The following TAX1BP1 variants were observed in gnomAD, a reference collection of about 807,000 sequenced individuals.
TAX1BP1 encodes the protein Tax1 binding protein 1.
TAX1BP1 carries 62 observed loss-of-function variants against 97.7 expected under a neutral mutation model. The ratio of observed to expected loss-of-function variants is 0.63; its 90% CI spans 0.52 to 0.78. The LOEUF (loss-of-function observed/expected upper bound fraction) is 0.78, where lower values mean the gene tolerates loss of function less well. TAX1BP1 is among the 30% of genes least tolerant of loss of function. The pLI is 0.00. For missense variants in TAX1BP1, 867 were observed against 916.1 expected, an observed-to-expected ratio of 0.95 and a Z score of 0.69; for synonymous variants, 340 against 304.2, an observed-to-expected ratio of 1.12 and a Z score of -1.23.
In TAX1BP1 at chr7:27,748,568, C is replaced by A; in HGVS notation, c.44C>A (p.Ala15Asp). ...QEVPLQTSNFAHVIFQNVAKS... is the reference protein window; with the variant it reads ...QEVPLQTSNFDHVIFQNVAKS... ...GTCCCATTGCAGACTTCCAACTTTG[C>A]CCATGTCATCTTTCAAAATGTGGCC... Residue 15 changes from alanine (A) to aspartate (D), a missense_variant, in exon 2 of 17, where the codon GCC becomes GAC. This residue lies in a region of TAX1BP1 where 822 missense variants were observed against 851.4 expected (regional missense o/e 0.97). Coordinates refer to ENST00000396319, the MANE Select transcript of TAX1BP1 (RefSeq NM_006024.7). 1 of 1,603,594 alleles carries A rather than the reference C, an allele frequency of 6.2e-7. No individual in the cohort carries two copies. The highest frequency in any genetic ancestry group is 8.5e-7 in the Non-Finnish European group (1 of 1,174,176).
At chr7:27,794,568 T>A in intron 11 of TAX1BP1, 122 bp downstream of exon 11, 1 of 1,063,592 alleles carries the variant, frequency 9.4e-7, no homozygotes, top group Non-Finnish European at 1.3e-6. Context: ...AGTGAAGGAA[T>A]TGAGGCAACA....
At chr7:27,814,959 G>C (rs548484586) in intron 13 of TAX1BP1, among the ~76,000 whole-genome samples, 2 of 152,140 alleles carry the variant, frequency 1.3e-5, no homozygotes, top group East Asian at 3.9e-4. Flanking sequence ...GGATGGTCTT[G>C]ATCTCCTGAC....
chr7:27,826,562 T>C (rs1300235287), intron 15 of TAX1BP1, among the ~76,000 whole-genome samples: 1 of 152,210 alleles, frequency 6.6e-6, no homozygotes, highest in Non-Finnish European at 1.5e-5. Flanking sequence ...ATGCTGTTAG[T>C]TCATGACATG....
intron 15 of TAX1BP1, among the ~76,000 whole-genome samples, chr7:27,822,440 T>C (rs1328667105): frequency 6.6e-6 from 1 of 152,232 alleles, no homozygotes; most frequent in African/African-American, 2.4e-5. Context: ...CCTAAACCTT[T>C]TGAAAAACTG....
chr7:27,754,891 T>G (rs1788153496), intron 2 of TAX1BP1, among the ~76,000 whole-genome samples: 1 of 152,162 alleles, frequency 6.6e-6, no homozygotes, highest in South Asian at 2.1e-4. Context: ...CTTGTCTTTT[T>G]TCTAATGCAT....
chr7:27,765,217 T>C (rs1342044133), intron 3 of TAX1BP1, among the ~76,000 whole-genome samples: 1 of 150,746 alleles, frequency 6.6e-6, no homozygotes, highest in Non-Finnish European at 1.5e-5. Flanking sequence ...GGTTTCACCA[T>C]GTTGGCCAGG....
intron 9 of TAX1BP1, 112 bp from the exon 10 acceptor site, chr7:27,792,952 ACT>A (rs1427045643): frequency 1.1e-6 from 1 of 923,984 alleles, no homozygotes; most frequent in Non-Finnish European, 1.6e-6. Flanking sequence ...ACAGAGCAAG[ACT>A]CTGTCTCAAA....
Position 27,821,308 on chromosome 7 carries a change from A to T in TAX1BP1, c.2085+4270A>T, listed in dbSNP as rs528835596. ...GTGTTTGTTCCATTTTTGCCTATTAAACTATTTAAAATTCAGGCCATCTTA... is the reference window on the plus strand; with the variant it reads ...GTGTTTGTTCCATTTTTGCCTATTATACTATTTAAAATTCAGGCCATCTTA... On this transcript the variant is annotated intron_variant, in intron 15 of 16. Coordinates refer to ENST00000396319, the MANE Select transcript of TAX1BP1 (RefSeq NM_006024.7). Among the ~76,000 whole-genome samples, 12 of 152,230 alleles carry T rather than the reference A, an allele frequency of 7.9e-5. No homozygotes were observed. The South Asian group carries it at 1.0e-3, about 13-fold the overall frequency.
intron 13 of TAX1BP1, among the ~76,000 whole-genome samples, chr7:27,810,729 C>T (rs1028370724): frequency 6.6e-6 from 1 of 152,168 alleles, no homozygotes; most frequent in African/African-American, 2.4e-5. Context: ...GTGATCTTCC[C>T]TCCCAAAGTG....
chr7:27,785,369 TATA>T (rs759016247), intron 6 of TAX1BP1, 27 bp from the exon 7 acceptor site: 2 of 1,598,508 alleles, frequency 1.3e-6, no homozygotes, highest in Non-Finnish European at 1.7e-6. Context: ...TTTAAAACAT[TATA>T]ATGTTACTTT....
chr7:27,813,018 A>G (rs1790616948), intron 13 of TAX1BP1, among the ~76,000 whole-genome samples: 1 of 151,916 alleles, frequency 6.6e-6, no homozygotes, highest in Non-Finnish European at 1.5e-5. Context: ...ATACTGTTTG[A>G]CCCTTTGCAG....
At chr7:27,817,379 A>G (rs1790816355) in intron 15 of TAX1BP1, among the ~76,000 whole-genome samples, 1 of 152,214 alleles carries the variant, frequency 6.6e-6, no homozygotes, top group South Asian at 2.1e-4. Context: ...TTGATTATAG[A>G]TGTTAGGCTT....
chr7:27,788,541 G>A (rs1297967479), intron 8 of TAX1BP1, among the ~76,000 whole-genome samples: 1 of 151,916 alleles, frequency 6.6e-6, no homozygotes, highest in Non-Finnish European at 1.5e-5. Context: ...TTTATTTGTA[G>A]GTAATCTTTT....
intron 4 of TAX1BP1, among the ~76,000 whole-genome samples, chr7:27,768,473 A>G (rs546805202): frequency 6.6e-6 from 1 of 152,016 alleles, no homozygotes; most frequent in African/African-American, 2.4e-5. Flanking sequence ...TGTGAATTAA[A>G]TAAATCACTG....
chr7:27,806,858 G>A (rs1198522276), intron 13 of TAX1BP1, among the ~76,000 whole-genome samples: 1 of 152,106 alleles, frequency 6.6e-6, no homozygotes, highest in African/African-American at 2.4e-5. Context: ...TAACATCTTG[G>A]TGATATTTCT....
chr7:27,754,364 A>G (rs1788130620), intron 2 of TAX1BP1, among the ~76,000 whole-genome samples: 1 of 147,180 alleles, frequency 6.8e-6, no homozygotes, highest in African/African-American at 2.5e-5. Flanking sequence ...CTCTGGTTGT[A>G]AAAAAAAATT....
chr7:27,827,954 C>T lies in TAX1BP1; in HGVS notation c.2168+134C>T. ...TGAACCAGAAACACCAGGCGTAGGC[C>T]CAGCAATATGTGTTTTAACATGTCC... On this transcript the variant is annotated intron_variant, in intron 16 of 16. Transcript: ENST00000396319. 1.2e-5 allele frequency: 8 copies of T among 650,408 alleles called. No individual in the cohort carries two copies. The South Asian group carries it at 1.8e-4, about 15-fold the overall frequency. The allele number at this position is 650,408 out of a possible 1,614,324, so 40.3% of individuals were successfully genotyped here.
chr7:27,793,776 T>G (rs1209099085), intron 10 of TAX1BP1, among the ~76,000 whole-genome samples: 1 of 152,242 alleles, frequency 6.6e-6, no homozygotes, highest in Non-Finnish European at 1.5e-5. Flanking sequence ...GTCCTTAAAC[T>G]GTGCTTAAAT....
intron 10 of TAX1BP1, among the ~76,000 whole-genome samples, chr7:27,793,807 A>G (rs1380777465): frequency 1.3e-5 from 2 of 152,202 alleles, no homozygotes; most frequent in Non-Finnish European, 2.9e-5. Flanking sequence ...CTATCTGAGG[A>G]ACTCCTGGAA....
Sources: allele counts gnomAD v4.1 joint callset (sites outside exome capture counted in the v4.1 genomes callset), GRCh38; gene constraint gnomAD v4.1.1; regional missense constraint gnomAD v4.1.1; transcripts MANE v1.5; gene names NCBI Gene and HGNC (gene_info 2026-07-23, HGNC 2026-07-21).